The following SFMBT2 variants were observed in gnomAD, a reference collection of about 807,000 sequenced individuals.
SFMBT2 encodes the protein scm-like with four MBT domains protein 2.
A neutral mutation model predicts 110.1 loss-of-function variants in SFMBT2; 38 were observed. The observed-to-expected ratio is 0.35, with a 90% CI of 0.27 to 0.45. The LOEUF (loss-of-function observed/expected upper bound fraction) is 0.45. SFMBT2 is among the 20% of genes least tolerant of loss of function. The probability of loss-of-function intolerance (pLI) is 1.00; values close to 1 mark genes in which losing one functional copy is unlikely to be tolerated. For synonymous variants in SFMBT2, 425 were observed against 425.4 expected (o/e 1.00, Z 0.01); for missense variants, 1,011 against 1,094.9 (o/e 0.92, Z 1.08).
intron 4 of SFMBT2, among the ~76,000 whole-genome samples, chr10:7,323,201 C>A (rs576385387): frequency 4.6e-5 from 7 of 152,136 alleles, no homozygotes; most frequent in African/African-American, 1.7e-4. Flanking sequence ...CGCCTATAAT[C>A]CCAGCACTTT....
intron 10 of SFMBT2, 86 bp from the exon 11 acceptor site, chr10:7,220,623 G>A (rs777404825): frequency 4.4e-6 from 6 of 1,368,254 alleles, no homozygotes; most frequent in East Asian, 4.6e-5. Context: ...AGAAATGCAC[G>A]CACACGCATC....
intron 16 of SFMBT2, among the ~76,000 whole-genome samples, chr10:7,178,593 T>G (rs1022853153): frequency 6.6e-6 from 1 of 152,268 alleles, no homozygotes; most frequent in Middle Eastern, 3.4e-3. Context: ...ACAAAGAATT[T>G]AGAGTGAGAC....
intron 11 of SFMBT2, chr10:7,206,781 A>T: frequency 2.3e-6 from 2 of 862,404 alleles, no homozygotes; most frequent in Non-Finnish European, 2.8e-6. Flanking sequence ...AACTAGTTAA[A>T]AGAAGAAAAT....
Position 7,172,330 on chromosome 10 carries a change from C to T in SFMBT2, c.2151+165G>A. 4.1e-6 allele frequency: 4 copies of T among 985,414 alleles called. No homozygotes were observed. The highest frequency in any genetic ancestry group is 4.8e-6 in the Non-Finnish European group (4 of 829,868). The allele number at this position is 985,414 out of a possible 1,614,324, so 61.0% of individuals were successfully genotyped here. A position where few individuals can be genotyped will look rare whatever the true frequency, so the allele number is the denominator to read the frequency against. ...CCTTCCCAGCCAAAGCAGCTGGACA[C>T]ACTACATTTGTTTTCAGCAAGTAAG... On this transcript the variant is annotated intron_variant, in intron 18 of 20. Coordinates refer to ENST00000397167, the MANE Select transcript of SFMBT2 (RefSeq NM_001387889.1). The surrounding 1 kb of genome is among the most constrained non-coding windows in gnomAD (Gnocchi z 4.6).
chr10:7,393,573 G>A (rs1032974935), intron 1 of SFMBT2, among the ~76,000 whole-genome samples: 2 of 152,172 alleles, frequency 1.3e-5, no homozygotes, highest in Non-Finnish European at 2.9e-5. Context: ...AGTGCACACA[G>A]GTAGAAATCA....
chr10:7,172,519 C>A lies in SFMBT2; in HGVS notation c.2127G>T (p.Val709=). 6.2e-7 allele frequency: 1 copy of A among 1,614,170 alleles called. No individual in the cohort carries two copies. The highest frequency in any genetic ancestry group is 8.5e-7 in the Non-Finnish European group (1 of 1,180,038). Residue 709 remains valine (V), a synonymous_variant, in exon 18 of 21, where the codon GTG becomes GTT. Transcript: ENST00000397167. This position sits in a 1 kb window ranked among gnomAD's most constrained non-coding sequence, Gnocchi z 4.6. ...FVQKKRRSSA[V]DFTAGSGEES... is the part of the protein sequence containing the mutation. ...CCTCCCCCGAGCCCGCGGTGAAGTC[C>A]ACGGCAGAAGACCTCCGTTTCTTCT...
At chr10:7,348,281 C>A (rs1345993242) in intron 4 of SFMBT2, 8 of 1,520,176 alleles carry the variant, frequency 5.3e-6, no homozygotes, top group Middle Eastern at 1.7e-4. Flanking sequence ...TTTGAGACAT[C>A]CTTTTCTAAG....
rs1842195023 is a variant in SFMBT2, at chr10:7,289,310, C to G, written c.437-3356G>C. 3.3e-5 allele frequency among the ~76,000 whole-genome samples: 5 copies of G among 152,230 alleles called. No homozygotes were observed. In the South Asian group the frequency reaches 8.3e-4, roughly 25 times the overall value. On this transcript the variant is annotated intron_variant, in intron 4 of 20. Transcript: ENST00000397167. Reference sequence around the variant, plus strand: ...CTATATCCACTACGGGAAGAAAGCTCTATTTTCCACAGGGTTGTTTCTAAC... The same window carrying G: ...CTATATCCACTACGGGAAGAAAGCTGTATTTTCCACAGGGTTGTTTCTAAC...
chr10:7,249,572 C>G (rs1280393056), intron 7 of SFMBT2: 1 of 984,932 alleles, frequency 1.0e-6, no homozygotes, highest in Non-Finnish European at 1.2e-6. Flanking sequence ...ACAAAAATAT[C>G]TGGGGACCTG....
chr10:7,226,806 C>A (rs1839910710), intron 10 of SFMBT2, among the ~76,000 whole-genome samples: 1 of 152,132 alleles, frequency 6.6e-6, no homozygotes, highest in African/African-American at 2.4e-5. Flanking sequence ...TATGGTTATA[C>A]CACATAACCT....
intron 7 of SFMBT2, among the ~76,000 whole-genome samples, chr10:7,272,221 A>C (rs112965454): frequency 2.0e-5 from 3 of 152,196 alleles, no homozygotes; most frequent in African/African-American, 7.2e-5. Flanking sequence ...GAAAACCCAC[A>C]TTCATTTCAC....
intron 4 of SFMBT2, among the ~76,000 whole-genome samples, chr10:7,345,931 G>A (rs1167217827): frequency 3.9e-5 from 6 of 152,258 alleles, no homozygotes; most frequent in East Asian, 1.9e-4. Context: ...ATTCCACTTC[G>A]AGTGCCAAGA....
intron 4 of SFMBT2, among the ~76,000 whole-genome samples, chr10:7,334,012 G>A (rs1025385318): frequency 2.6e-5 from 4 of 152,094 alleles, no homozygotes; most frequent in South Asian, 2.1e-4. Context: ...TATTTCAAAC[G>A]TATTTTGTGA....
chr10:7,330,987 C>A (rs2131958386), intron 4 of SFMBT2, among the ~76,000 whole-genome samples: 1 of 152,350 alleles, frequency 6.6e-6, no homozygotes, highest in South Asian at 2.1e-4. Context: ...CAGGTCAGGA[C>A]ACCTTGATGC....
intron 4 of SFMBT2, among the ~76,000 whole-genome samples, chr10:7,325,092 C>T (rs1843338882): frequency 2.6e-5 from 4 of 151,202 alleles, no homozygotes; most frequent in African/African-American, 4.9e-5. Flanking sequence ...CTCAGCCTCT[C>T]GAGTAGCTGG....
intron 15 of SFMBT2, among the ~76,000 whole-genome samples, chr10:7,191,516 C>T (rs1400792273): frequency 2.0e-5 from 3 of 152,240 alleles, no homozygotes; most frequent in African/African-American, 7.2e-5. Flanking sequence ...CCTGGGGAAA[C>T]CCTTCCAGAC....
chr10:7,344,958 C>CA (rs35145669), intron 4 of SFMBT2, among the ~76,000 whole-genome samples: 4,739 of 52,872 alleles, frequency 0.09, 647 homozygotes, highest in African/African-American at 0.26. Context: ...GACTCTGTCT[C>CA]AAAAAAAAAA....
rs867610215 is a variant in SFMBT2, at chr10:7,275,324, A to G, written c.870+1568T>C. 4.6e-5 allele frequency among the ~76,000 whole-genome samples: 7 copies of G among 152,364 alleles called. No individual in the cohort carries two copies. In the South Asian group the frequency reaches 8.3e-4, roughly 18 times the overall value. On this transcript the variant is annotated intron_variant, in intron 7 of 20. Coordinates refer to ENST00000397167, the MANE Select transcript of SFMBT2 (RefSeq NM_001387889.1). ...GTGATTGGATTTGATTCACATTCAA[A>G]GATGACTGAGGCCACGGTGAAGAGA...
At chr10:7,166,504 T>C (rs1006619266) in intron 20 of SFMBT2, among the ~76,000 whole-genome samples, 2 of 152,232 alleles carry the variant, frequency 1.3e-5, no homozygotes, top group African/African-American at 2.4e-5. Flanking sequence ...CCAATATTTA[T>C]TGAGCATCTA....
Sources: gnomAD v4.1 joint callset for allele counts (sites outside exome capture counted in the v4.1 genomes callset) on GRCh38, gnomAD v4.1.1 for gene constraint, Gnocchi (gnomAD v3.1) non-coding constraint, MANE v1.5 for transcripts, NCBI Gene and HGNC (gene_info 2026-07-23, HGNC 2026-07-21) for gene names.